Variants in ERI1 observed in about 807,000 individuals in gnomAD.
ERI1 encodes the protein 3'-5' exoribonuclease 1.
Under a neutral mutation model 39.7 loss-of-function variants are expected in ERI1, and 39 were observed. The observed-to-expected ratio is 0.98, with a 90% CI of 0.76 to 1.28. ERI1 has a LOEUF of 1.28. Ranked by LOEUF, ERI1 falls within the 50% of genes most tolerant of loss-of-function variation. ERI1 has a pLI of 0.00. For synonymous variants in ERI1, 204 were observed against 149.6 expected (o/e 1.36, Z -2.65); for missense variants, 581 against 416.9 (o/e 1.39, Z -3.43).
chr8:9,042,943 T>C (rs752441745), intron 3 of ERI1, among the ~76,000 whole-genome samples: 3 of 152,112 alleles, frequency 2.0e-5, no homozygotes, highest in Non-Finnish European at 4.4e-5. Flanking sequence ...GTGCCGTATG[T>C]CCCCCGGCAC....
At chr8:9,054,644 G>T (rs763689617) in intron 3 of ERI1, among the ~76,000 whole-genome samples, 3 of 152,254 alleles carry the variant, frequency 2.0e-5, no homozygotes, top group Admixed American at 1.3e-4. Flanking sequence ...ACGTGATTGG[G>T]CCAGGCACCA....
rs1450344048 is a variant in ERI1, at chr8:9,051,011, ATTCT to A, written n.299+30550_299+30553del. ...TGAACTTAATGATCTTTGGAGGTAG[ATTCT>A]TTATTCTGGACTTTAAAATGATAGC... On this transcript the variant is annotated intron_variant and non_coding_transcript_variant, in intron 3 of 3. Transcript: ENST00000518663. Among the ~76,000 whole-genome samples, 8 of 152,238 alleles carry A rather than the reference ATTCT, an allele frequency of 5.3e-5. No homozygotes were observed. The East Asian group carries it at 1.5e-3, about 29-fold the overall frequency.
intron 2 of ERI1, among the ~76,000 whole-genome samples, chr8:9,009,936 C>G (rs550395537): frequency 1.8e-4 from 27 of 152,326 alleles, no homozygotes; most frequent in African/African-American, 5.3e-4. Context: ...TGAAGGAACT[C>G]TATGCTGAAG....
chr8:9,019,646 T>C (rs1817675882), intron 5 of ERI1, among the ~76,000 whole-genome samples: 1 of 152,136 alleles, frequency 6.6e-6, no homozygotes, highest in African/African-American at 2.4e-5. Context: ...TATATGAAAA[T>C]TGTACAGAAG....
At chr8:9,053,392 A>C (rs1798416451) in intron 3 of ERI1, among the ~76,000 whole-genome samples, 2 of 152,104 alleles carry the variant, frequency 1.3e-5, no homozygotes, top group African/African-American at 4.8e-5. Flanking sequence ...AGCTTCCAGG[A>C]GCTTCTGGGT....
intron 3 of ERI1, among the ~76,000 whole-genome samples, chr8:9,075,801 T>A (rs899830811): frequency 8.5e-5 from 13 of 152,100 alleles, no homozygotes; most frequent in Admixed American, 4.6e-4. Context: ...CTTAAAAAAT[T>A]TTTTATTTAT....
At chr8:9,095,069 C>G (rs542961340) in intron 3 of ERI1, among the ~76,000 whole-genome samples, 1 of 152,284 alleles carries the variant, frequency 6.6e-6, no homozygotes, top group Admixed American at 6.5e-5. Context: ...AGCTTTACTT[C>G]CATCAGCTGC....
intron 3 of ERI1, among the ~76,000 whole-genome samples, chr8:9,045,235 C>CAAAAAA (rs5889258): frequency 9.3e-5 from 7 of 75,646 alleles, no homozygotes; most frequent in Non-Finnish European, 1.0e-4. Flanking sequence ...GACTCTGTCT[C>CAAAAAA]AAAAAAAAAA....
At chr8:9,065,600 C>T (rs1798846943) in intron 3 of ERI1, among the ~76,000 whole-genome samples, 1 of 148,308 alleles carries the variant, frequency 6.7e-6, no homozygotes, top group Non-Finnish European at 1.5e-5. Context: ...GAGGCTGAGG[C>T]AGGAAAATGG....
intron 6 of ERI1, among the ~76,000 whole-genome samples, chr8:9,022,331 T>C (rs1373481277): frequency 6.6e-6 from 1 of 152,224 alleles, no homozygotes; most frequent in Non-Finnish European, 1.5e-5. Flanking sequence ...TACTGGTCTA[T>C]AGATTTTTAC....
chr8:9,012,853 T>C (rs1442185464), intron 3 of ERI1, among the ~76,000 whole-genome samples: 1 of 152,198 alleles, frequency 6.6e-6, no homozygotes, highest in Non-Finnish European at 1.5e-5. Flanking sequence ...ACTTAAGTTA[T>C]AGGTACTTAT....
At chr8:9,075,527 C>T (rs1315919627) in intron 3 of ERI1, among the ~76,000 whole-genome samples, 3 of 149,752 alleles carry the variant, frequency 2.0e-5, no homozygotes, top group Non-Finnish European at 3.0e-5. Flanking sequence ...ATTATGAACA[C>T]GGTCTTTACA....
chr8:9,023,249 C>T (rs771180657), intron 6 of ERI1, among the ~76,000 whole-genome samples: 2 of 151,422 alleles, frequency 1.3e-5, no homozygotes, highest in African/African-American at 2.4e-5. Context: ...GTTGTGTTTC[C>T]CCTTATCTGG....
At chr8:9,086,554 G>T (rs1353281841) in intron 3 of ERI1, among the ~76,000 whole-genome samples, 5 of 152,070 alleles carry the variant, frequency 3.3e-5, no homozygotes, top group Non-Finnish European at 4.4e-5. Flanking sequence ...TCAAAACTAG[G>T]CAACCGACCA....
chr8:9,088,993 G>T (rs889695419), intron 3 of ERI1, among the ~76,000 whole-genome samples: 5 of 152,162 alleles, frequency 3.3e-5, no homozygotes, highest in African/African-American at 1.2e-4. Context: ...GTTATGTGGT[G>T]GCCTTGGCTT....
At chr8:9,034,266 G>C (rs1392777487), downstream of ERI1, among the ~76,000 whole-genome samples, 2 of 152,208 alleles carry the variant, frequency 1.3e-5, no homozygotes, top group Admixed American at 6.5e-5. Flanking sequence ...ATTTGTTTTA[G>C]GATGAATACT....
At chr8:9,056,256 C>T (rs1211944214) in intron 3 of ERI1, among the ~76,000 whole-genome samples, 2 of 152,216 alleles carry the variant, frequency 1.3e-5, no homozygotes, top group Admixed American at 1.3e-4. Flanking sequence ...GGGGCACTCC[C>T]TGAAGTCAGA....
At chr8:9,017,393 C>G (rs1817419142) in intron 4 of ERI1, among the ~76,000 whole-genome samples, 1 of 152,098 alleles carries the variant, frequency 6.6e-6, no homozygotes, top group Non-Finnish European at 1.5e-5. Flanking sequence ...GTGGTAGGCA[C>G]TTTTTTCATT....
intron 3 of ERI1, among the ~76,000 whole-genome samples, chr8:9,087,024 ATTTTTT>A (rs935647227): frequency 6.7e-6 from 1 of 148,554 alleles, no homozygotes; most frequent in Non-Finnish European, 1.5e-5. Flanking sequence ...TTCTCATCTT[ATTTTTT>A]TTTTAAGTTT....
Sources: allele counts gnomAD v4.1 joint callset (sites outside exome capture counted in the v4.1 genomes callset), GRCh38; gene constraint gnomAD v4.1.1; transcripts MANE v1.5; gene names NCBI Gene and HGNC (gene_info 2026-07-23, HGNC 2026-07-21).